The following COG6 variants were observed in gnomAD, a reference collection of about 807,000 sequenced individuals.
The protein encoded by COG6 is conserved oligomeric Golgi complex subunit 6.
In COG6, 74 loss-of-function variants were observed where a neutral mutation model predicts 88.8. The observed-to-expected ratio is 0.83, with a 90% confidence interval of 0.69 to 1.01. COG6 has a LOEUF of 1.01. COG6 is among the 50% of genes least tolerant of loss of function. The pLI is 0.00. For synonymous variants in COG6, 286 were observed against 278.7 expected (o/e 1.03, Z -0.26); for missense variants, 800 against 797.9 (o/e 1.00, Z -0.03).
intron 18 of COG6, among the ~76,000 whole-genome samples, chr13:39,731,433 G>C (rs192026044): frequency 6.6e-6 from 1 of 152,240 alleles, no homozygotes; most frequent in African/African-American, 2.4e-5. Flanking sequence ...GAAGCTTCTT[G>C]TTCTATTTTC....
At chr13:39,704,481 A>T (rs1877772046) in intron 13 of COG6, among the ~76,000 whole-genome samples, 1 of 152,206 alleles carries the variant, frequency 6.6e-6, no homozygotes, top group South Asian at 2.1e-4. Flanking sequence ...TCTACTATTC[A>T]TTAAATGGAA....
chr13:39,716,923 A>G (rs1467894044), intron 13 of COG6, among the ~76,000 whole-genome samples: 1 of 152,158 alleles, frequency 6.6e-6, no homozygotes. Flanking sequence ...TTTTATAGTT[A>G]TCTTTGTTGG....
chr13:39,772,237 AACTTTTCCTGATTTCCTCTCCTG>A lies in COG6; in HGVS notation c.1827-16095_1827-16073del, dbSNP rs1593484078. 2.6e-5 allele frequency among the ~76,000 whole-genome samples: 4 copies of A among 152,274 alleles called. No homozygotes were observed. The East Asian group carries it at 7.7e-4, about 29-fold the overall frequency. ...GCTTAACCTCTTACAGTAGTTGTCA[AACTTTTCCTGATTTCCTCTCCTG>A]ACCCACTGATGACTCTCCTACCTCT... On this transcript the variant is annotated intron_variant, in intron 18 of 18. Transcript: ENST00000416691.
chr13:39,772,365 T>G (rs1881343186), intron 18 of COG6, among the ~76,000 whole-genome samples: 1 of 152,200 alleles, frequency 6.6e-6, no homozygotes, highest in East Asian at 1.9e-4. Context: ...TTGAGTCCTA[T>G]CGTGTGTCAG....
intron 1 of COG6, among the ~76,000 whole-genome samples, chr13:39,658,432 C>T (rs565630179): frequency 4.3e-4 from 66 of 152,162 alleles, no homozygotes; most frequent in African/African-American, 1.3e-3. Flanking sequence ...TGTAAGCCAC[C>T]GTGCCATATT....
chr13:39,668,933 T>G (rs1306112203), intron 4 of COG6, among the ~76,000 whole-genome samples: 1 of 152,234 alleles, frequency 6.6e-6, no homozygotes, highest in Non-Finnish European at 1.5e-5. Context: ...CCTGTCTTAT[T>G]CAGATTTTGC....
chr13:39,788,615 TTAAA>T (rs1881847500), exon 19 of COG6: 1 of 488,012 alleles, frequency 2.0e-6, no homozygotes, highest in South Asian at 3.7e-5. Context: ...GCTGTGTGGC[TTAAA>T]TAAGTAAATG....
intron 18 of COG6, among the ~76,000 whole-genome samples, chr13:39,733,476 A>G (rs571672094): frequency 6.6e-6 from 1 of 152,098 alleles, no homozygotes; most frequent in Non-Finnish European, 1.5e-5. Context: ...GGTGTGAGCC[A>G]CTGTGCCCGG....
chr13:39,694,549 G>C, intron 11 of COG6, 85 bp from the exon 12 acceptor site: 1 of 799,030 alleles, frequency 1.3e-6, no homozygotes. Flanking sequence ...TTTTATCTTT[G>C]TTATGCTATT....
exon 19 of COG6, chr13:39,789,640 A>C (rs1159818545): frequency 1.3e-5 from 2 of 152,062 alleles, no homozygotes; most frequent in African/African-American, 4.8e-5. Context: ...TTCCATAACC[A>C]TTTTTCCCAC....
intron 4 of COG6, 92 bp from the exon 5 acceptor site, chr13:39,677,376 T>A: frequency 1.3e-6 from 1 of 766,870 alleles, no homozygotes; most frequent in Admixed American, 2.0e-5. Context: ...ACCTTTGTTT[T>A]AAAAATTTAT....
intron 15 of COG6, among the ~76,000 whole-genome samples, chr13:39,722,310 TA>T (rs558688717): frequency 0.066 from 9,556 of 143,944 alleles, 379 homozygotes; most frequent in Non-Finnish European, 0.1. Context: ...GGCATTTATT[TA>T]AAAAAAAAAA....
At chr13:39,778,086 C>T (rs970022397) in intron 18 of COG6, among the ~76,000 whole-genome samples, 6 of 152,158 alleles carry the variant, frequency 3.9e-5, no homozygotes, top group African/African-American at 1.4e-4. Flanking sequence ...GTTATCCTGT[C>T]TAAGAGATGA....
In COG6 at chr13:39,723,367, A is replaced by C. The variant is rs1322231014; in HGVS notation, c.1619A>C (p.Gln540Pro). 16 of 1,611,240 alleles carry C rather than the reference A, an allele frequency of 9.9e-6. No homozygotes were observed. The highest frequency in any genetic ancestry group is 1.3e-5 in the Non-Finnish European group (15 of 1,177,766). Residue 540 changes from glutamine to proline, a missense_variant, in exon 16 of 19, where the codon CAA becomes CCA. By Grantham distance (76) the Gln-to-Pro change is moderately conservative (BLOSUM62 -1). Transcript: ENST00000455146. The part of the protein sequence containing the change: ...EAHLDTLINE[Q>P]ASYVLTRVGL... ...CATTTGGACACACTTATAAATGAGC[A>C]AGCCTCTTATGTTTTAACTAGGGTA...
chr13:39,694,787 CA>C (rs1877172550), intron 12 of COG6, 62 bp downstream of exon 12: 1 of 919,748 alleles, frequency 1.1e-6, no homozygotes, highest in South Asian at 1.4e-5. Flanking sequence ...AGTTAGAGCA[CA>C]GTATAAGATT....
At chr13:39,669,027 CA>C (rs1357145351) in intron 4 of COG6, among the ~76,000 whole-genome samples, 61 of 12,460 alleles carry the variant, frequency 4.9e-3, no homozygotes, top group Admixed American at 0.017. Context: ...CGATATAGTA[CA>C]CAGTTCCATC....
chr13:39,708,553 G>A (rs1326148530), intron 13 of COG6, among the ~76,000 whole-genome samples: 1 of 152,020 alleles, frequency 6.6e-6, no homozygotes, highest in African/African-American at 2.4e-5. Context: ...TCAAATTTTT[G>A]AGTATGGTAT....
At chr13:39,695,758 A>C (rs1251555736) in intron 12 of COG6, among the ~76,000 whole-genome samples, 2 of 151,924 alleles carry the variant, frequency 1.3e-5, no homozygotes, top group African/African-American at 4.8e-5. Flanking sequence ...GATCAGAGAT[A>C]GGATTTGGAT....
At chr13:39,691,247 A>T (rs970892153) in intron 11 of COG6, among the ~76,000 whole-genome samples, 2 of 151,928 alleles carry the variant, frequency 1.3e-5, no homozygotes, top group African/African-American at 4.8e-5. Context: ...TTATTATATT[A>T]AAAATGTTTA....
Sources: allele counts gnomAD v4.1 joint callset (sites outside exome capture counted in the v4.1 genomes callset), GRCh38; gene constraint gnomAD v4.1.1; transcripts MANE v1.5; gene names NCBI Gene and HGNC (gene_info 2026-07-23, HGNC 2026-07-21).